RIPK1: variants seen among roughly 807,000 people sequenced by gnomAD.
RIPK1 encodes receptor-interacting serine/threonine-protein kinase 1.
In RIPK1, 27 loss-of-function variants were observed where a neutral mutation model predicts 62.4. The observed-to-expected ratio is 0.43, with a 90% CI of 0.32 to 0.60. The LOEUF (loss-of-function observed/expected upper bound fraction) is 0.60. RIPK1 is among the 20% of genes least tolerant of loss of function. The pLI is 0.07. For synonymous variants in RIPK1, 287 were observed against 303.2 expected (o/e 0.95, Z 0.55); for missense variants, 735 against 831.0 (o/e 0.88, Z 1.42).
rs1760827254 is a variant in RIPK1, at chr6:3,105,946, A to G, written c.1471A>G (p.Arg491Gly). The G allele has an allele frequency of 6.2e-7, 1 of 1,614,020 alleles. No individual in the cohort carries two copies. Among genetic ancestry groups the G allele is most frequent in the Non-Finnish European group, 8.5e-7 (1 of 1,179,978 alleles). The change falls in exon 9 of 11, where the codon AGG becomes GGG. Residue 491 changes from arginine (R) to glycine (G), a missense_variant. Around this residue, in one of 2 missense-constraint regions of RIPK1, gnomAD observed 671 missense variants for 726.2 expected, o/e 0.92. Transcript: ENST00000259808. The surrounding 1 kb of genome is among the most constrained non-coding windows in gnomAD (Gnocchi z 4.5). Reference protein sequence around the residue: ...PGTAGPRVWYRPIPSHMPSLH... With the variant: ...PGTAGPRVWYGPIPSHMPSLH... Reference sequence around the variant, plus strand: ...AACAGCAGGTCCCAGAGTTTGGTACAGGCCAATTCCAAGTCATATGCCTAG... The same window carrying G: ...AACAGCAGGTCCCAGAGTTTGGTACGGGCCAATTCCAAGTCATATGCCTAG...
At chr6:3,111,086 A>C (rs918598947) in intron 10 of RIPK1, 131 bp downstream of exon 10, 13 of 540,604 alleles carry the variant, frequency 2.4e-5, no homozygotes, top group Admixed American at 7.4e-5. Context: ...TCTGCAAAAT[A>C]TCTTTGTAAT....
At chr6:3,085,494 C>A in intron 6 of RIPK1, 86 bp downstream of exon 6, 1 of 1,405,266 alleles carries the variant, frequency 7.1e-7, no homozygotes, top group Non-Finnish European at 9.8e-7. Context: ...GGTTTGAATC[C>A]TCAGAAAACT....
chr6:3,077,456 G>GTT lies in RIPK1; in HGVS notation c.165-310_165-309dup, dbSNP rs111604018. 7.1e-5 allele frequency among the ~76,000 whole-genome samples: 10 copies of GTT among 141,758 alleles called. No homozygotes were observed. In the South Asian group the frequency reaches 1.4e-3, roughly 19 times the overall value. The allele number at this position is 141,758 out of a possible 152,430, so 93.0% of individuals were successfully genotyped here. ...TGTCAGAGTGGTTTTGAGAGAGGCT[G>GTT]TTTTTTTTTTTTTTAATCGTTCTGT... On this transcript the variant is annotated intron_variant, in intron 2 of 10. Coordinates refer to ENST00000259808, the MANE Select transcript of RIPK1 (RefSeq NM_001354930.2).
rs147375173 is a variant in RIPK1 at position 3,078,898 on chromosome 6, G to T, written c.321+963G>T. ...GGCAGATAGCTAAATAAGTGGTATG[G>T]TGTGATGGGGTTTTTTTTTTTTCTT... is the stretch of plus-strand genomic sequence containing the variant. On this transcript the variant is annotated intron_variant, in intron 3 of 10. Transcript: ENST00000259808. 5.9e-5 allele frequency among the ~76,000 whole-genome samples: 9 copies of T among 151,736 alleles called. No individual in the cohort carries two copies. In the East Asian group the frequency reaches 1.5e-3, roughly 26 times the overall value.
intron 6 of RIPK1, among the ~76,000 whole-genome samples, chr6:3,088,167 T>G (rs549781626): frequency 2.9e-4 from 44 of 152,386 alleles, no homozygotes; most frequent in Middle Eastern, 3.4e-3. Flanking sequence ...AACTGAACTT[T>G]CCTGACACTG....
At chr6:3,082,243 C>G (rs1344226249) in intron 4 of RIPK1, among the ~76,000 whole-genome samples, 1 of 152,200 alleles carries the variant, frequency 6.6e-6, no homozygotes, top group Non-Finnish European at 1.5e-5. Flanking sequence ...TTGTCCTAGT[C>G]TTGGACAAAG....
chr6:3,080,799 G>GCA (rs1759333213), intron 3 of RIPK1, among the ~76,000 whole-genome samples, 180 bp from the exon 4 acceptor site: 1 of 147,124 alleles, frequency 6.8e-6, no homozygotes, highest in African/African-American at 2.5e-5. Flanking sequence ...AATACCCTCT[G>GCA]CCCCCCCCCG....
chr6:3,095,620 GTTAGTTTAACTT>G (rs1272829846), intron 7 of RIPK1, among the ~76,000 whole-genome samples: 2 of 152,132 alleles, frequency 1.3e-5, no homozygotes, highest in African/African-American at 4.8e-5. Flanking sequence ...AGAATGCAAA[GTTAGTTTAACTT>G]TATGAAAATC....
chr6:3,080,125 G>A (rs1759300450), intron 3 of RIPK1, among the ~76,000 whole-genome samples: 1 of 152,216 alleles, frequency 6.6e-6, no homozygotes, highest in Non-Finnish European at 1.5e-5. Flanking sequence ...GCTATTAACA[G>A]TGTAGCTCTG....
chr6:3,112,942 T>C lies in RIPK1; in HGVS notation c.1730-111T>C, dbSNP rs17513568. 4.1e-3 allele frequency: 3,546 copies of C among 874,396 alleles called. 70 individuals are homozygous for C. The African/African-American group carries it at 0.054, about 13-fold the overall frequency. The allele number at this position is 874,396 out of a possible 1,614,324, so 54.2% of individuals were successfully genotyped here. A position where few individuals can be genotyped will look rare whatever the true frequency, so the allele number is the denominator to read the frequency against. On this transcript the variant is annotated intron_variant, in intron 10 of 10. Coordinates refer to ENST00000259808, the MANE Select transcript of RIPK1 (RefSeq NM_001354930.2). ...GCTATATAACTAAGAAGTTATCTTTTTCACTGTCTTCTGGTACTCTTCATT... is the reference window on the plus strand; with the variant it reads ...GCTATATAACTAAGAAGTTATCTTTCTCACTGTCTTCTGGTACTCTTCATT...
intron 8 of RIPK1, 23 bp downstream of exon 8, chr6:3,104,338 T>G: frequency 8.0e-7 from 1 of 1,256,108 alleles, no homozygotes; most frequent in South Asian, 1.2e-5. Context: ...ATGGTCAAAA[T>G]CTATTCATTT....
At chr6:3,089,013 C>G (rs536858772) in intron 6 of RIPK1, among the ~76,000 whole-genome samples, 1 of 152,286 alleles carries the variant, frequency 6.6e-6, no homozygotes, top group South Asian at 2.1e-4. Flanking sequence ...CCCGAGGTTT[C>G]CTGCTGGTCT....
At chr6:3,069,898 C>T (rs1175908851) in intron 1 of RIPK1, among the ~76,000 whole-genome samples, 1 of 152,136 alleles carries the variant, frequency 6.6e-6, no homozygotes, top group East Asian at 1.9e-4. Flanking sequence ...GTAATCCCAG[C>T]TACGCGGGAG....
intron 7 of RIPK1, among the ~76,000 whole-genome samples, chr6:3,096,550 GTTTTTTT>G (rs112979664): frequency 0.049 from 4,804 of 97,604 alleles, 144 homozygotes; most frequent in African/African-American, 0.19. Context: ...AATATCTCAA[GTTTTTTT>G]TTTTTTTTTT....
At chr6:3,070,156 CTCTG>C (rs554901741) in intron 1 of RIPK1, among the ~76,000 whole-genome samples, 42 of 152,146 alleles carry the variant, frequency 2.8e-4, no homozygotes, top group African/African-American at 5.3e-4. Context: ...ACTCATTTTC[CTCTG>C]TCTGAACTAT....
Position 3,105,631 on chromosome 6 carries a change from C to T in RIPK1, c.1156C>T (p.Leu386Phe). ...SKLQDEANYH[L>F]YGSRMDRQTK... ...ACTCCAAGACGAAGCCAACTACCAT[C>T]TTTATGGCAGCCGCATGGACAGGCA... Residue 386 changes from leucine (L) to phenylalanine (F), a missense_variant, in exon 9 of 11, where the codon CTT becomes TTT. Coordinates refer to ENST00000259808, the MANE Select transcript of RIPK1 (RefSeq NM_001354930.2). This position sits in a 1 kb window ranked among gnomAD's most constrained non-coding sequence, Gnocchi z 4.5. 1.2e-6 allele frequency: 2 copies of T among 1,614,098 alleles called. No homozygotes were observed. The highest frequency in any genetic ancestry group is 1.7e-6 in the Non-Finnish European group (2 of 1,179,986).
intron 9 of RIPK1, among the ~76,000 whole-genome samples, chr6:3,107,562 CAAAAAA>C (rs60843872): frequency 6.5e-5 from 3 of 46,308 alleles, no homozygotes; most frequent in Admixed American, 4.8e-4. Flanking sequence ...GAGACTGTCG[CAAAAAA>C]AAAAAAAAAA....
rs562597088 is a variant in RIPK1 at position 3,083,414 on chromosome 6, A to C, written c.688+101A>C. 3.2e-5 allele frequency: 28 copies of C among 873,578 alleles called. No homozygotes were observed. In the African/African-American group the frequency reaches 4.5e-4, roughly 14 times the overall value. The allele number at this position is 873,578 out of a possible 1,614,324, so 54.1% of individuals were successfully genotyped here. A position where few individuals can be genotyped will look rare whatever the true frequency, so the allele number is the denominator to read the frequency against. Reference sequence around the variant, plus strand: ...GTAAATTTTTGTTGAATGAATGAGTAATCCCATTTAGGAATCAGTGATCAT... The same window carrying C: ...GTAAATTTTTGTTGAATGAATGAGTCATCCCATTTAGGAATCAGTGATCAT... On this transcript the variant is annotated intron_variant, in intron 5 of 10. Coordinates refer to ENST00000259808, the MANE Select transcript of RIPK1 (RefSeq NM_001354930.2).
At chr6:3,101,797 CA>C (rs1760600732) in intron 7 of RIPK1, among the ~76,000 whole-genome samples, 1 of 152,198 alleles carries the variant, frequency 6.6e-6, no homozygotes, top group Non-Finnish European at 1.5e-5. Flanking sequence ...ATATACTTAA[CA>C]TAAAATTCTC....
Sources: gnomAD v4.1 joint callset for allele counts (sites outside exome capture counted in the v4.1 genomes callset) on GRCh38, gnomAD v4.1.1 for gene constraint, gnomAD v4.1.1 regional missense constraint, Gnocchi (gnomAD v3.1) non-coding constraint, MANE v1.5 for transcripts, NCBI Gene and HGNC (gene_info 2026-07-23, HGNC 2026-07-21) for gene names.